MAF: variants seen among roughly 807,000 people sequenced by gnomAD.
The protein encoded by MAF is transcription factor Maf.
MAF carries 10 observed loss-of-function variants against 22.0 expected under a neutral mutation model. The ratio of observed to expected loss-of-function variants is 0.45; its 90% CI spans 0.28 to 0.77. The LOEUF is 0.77. Ranked by LOEUF, MAF falls within the 30% of genes least tolerant of loss-of-function variation. The pLI is 0.12. For missense variants in MAF, 544 were observed against 548.4 expected (o/e 0.99, Z 0.08); for synonymous variants, 337 against 255.8 (o/e 1.32, Z -3.03).
the MAF span, among the ~76,000 whole-genome samples, chr16:79,358,320 C>T: frequency 1.3e-5 from 2 of 152,292 alleles, no homozygotes; most frequent in South Asian, 2.1e-4. Context: ...CTAGGATCTG[C>T]TACATTCCAA....
At chr16:79,495,262 G>A in the MAF span, among the ~76,000 whole-genome samples, 1 of 152,126 alleles carries the variant, frequency 6.6e-6, no homozygotes, top group Non-Finnish European at 1.5e-5. Flanking sequence ...AGCAGTTGGA[G>A]ACCAGCCTAG....
the MAF span, among the ~76,000 whole-genome samples, chr16:79,309,220 T>A: frequency 6.6e-6 from 1 of 152,176 alleles, no homozygotes; most frequent in Non-Finnish European, 1.5e-5. Context: ...GTAGGGAGTT[T>A]CCCTGTTAAT....
At chr16:79,491,780 G>C in the MAF span, among the ~76,000 whole-genome samples, 51 of 152,294 alleles carry the variant, frequency 3.3e-4, no homozygotes, top group South Asian at 0.01. Context: ...ATGAGCCTTG[G>C]GATAGCACTG....
At chr16:79,444,275 G>C in the MAF span, among the ~76,000 whole-genome samples, 1 of 152,004 alleles carries the variant, frequency 6.6e-6, no homozygotes, top group African/African-American at 2.4e-5. Context: ...ATTTTGCCTA[G>C]GAGTATGGAC....
At chr16:79,322,347 C>T in the MAF span, among the ~76,000 whole-genome samples, 1 of 152,106 alleles carries the variant, frequency 6.6e-6, no homozygotes, top group African/African-American at 2.4e-5. Context: ...TTGAAGGTCC[C>T]TAGGAGACAA....
chr16:79,347,410 A>T, the MAF span, among the ~76,000 whole-genome samples: 1 of 152,226 alleles, frequency 6.6e-6, no homozygotes, highest in African/African-American at 2.4e-5. Flanking sequence ...TTTGCATAGC[A>T]CGTTAGAGTT....
chr16:79,211,604 C>T, the MAF span: 19 of 1,614,170 alleles, frequency 1.2e-5, no homozygotes, highest in African/African-American at 2.0e-4. Flanking sequence ...TCTTGGATTT[C>T]CAGCAACAGG....
chr16:79,471,342 T>C, the MAF span, among the ~76,000 whole-genome samples: 8 of 152,240 alleles, frequency 5.3e-5, no homozygotes, highest in Non-Finnish European at 1.0e-4. Flanking sequence ...CTGTTATTTT[T>C]TCACACTTTC....
At chr16:79,426,210 G>GGA in the MAF span, among the ~76,000 whole-genome samples, 4 of 147,024 alleles carry the variant, frequency 2.7e-5, no homozygotes, top group South Asian at 6.4e-4. Context: ...CATCTCAAAA[G>GGA]AAAAAAAAAA....
At chr16:79,386,893 A>G in the MAF span, among the ~76,000 whole-genome samples, 1 of 152,192 alleles carries the variant, frequency 6.6e-6, no homozygotes, top group East Asian at 1.9e-4. Flanking sequence ...ATTGTATTGA[A>G]GAGGAAACTG....
the MAF span, among the ~76,000 whole-genome samples, chr16:79,225,551 C>T: frequency 6.6e-6 from 1 of 152,188 alleles, no homozygotes; most frequent in Non-Finnish European, 1.5e-5. Flanking sequence ...TAAATAGCTT[C>T]TTCACAGCAA....
chr16:79,586,218 T>C (rs1912831969), intron 1 of MAF, among the ~76,000 whole-genome samples: 2 of 152,306 alleles, frequency 1.3e-5, no homozygotes, highest in African/African-American at 2.4e-5. Context: ...AACCCACTGG[T>C]TGGCAGCCTG....
At chr16:79,426,995 G>A in the MAF span, among the ~76,000 whole-genome samples, 5 of 152,212 alleles carry the variant, frequency 3.3e-5, no homozygotes, top group Non-Finnish European at 5.9e-5. Context: ...CTGAACTGCA[G>A]AAGTCACTAA....
the MAF span, among the ~76,000 whole-genome samples, chr16:79,490,267 C>G: frequency 6.6e-6 from 1 of 152,178 alleles, no homozygotes; most frequent in Admixed American, 6.5e-5. Flanking sequence ...GGAAATCTCC[C>G]TTCGTCTTGA....
rs946258073 is a variant in MAF at position 79,599,985 on chromosome 16, A to G, written c.-83T>C. The G allele has an allele frequency of 3.2e-6, 5 of 1,579,058 alleles. No individual in the cohort carries two copies. The highest frequency in any genetic ancestry group is 4.3e-6 in the Non-Finnish European group (5 of 1,166,448). ...GGCCAGCGGGCTGTGCTGGGTGGCC[A>G]GCGGGTGAGCCAGCTTGCCGGGCTG... On this transcript the variant is annotated 5_prime_UTR_variant, in exon 1 of 2. Coordinates refer to ENST00000326043, the MANE Select transcript of MAF (RefSeq NM_005360.5).
chr16:79,531,714 T>C, the MAF span, among the ~76,000 whole-genome samples: 1 of 152,142 alleles, frequency 6.6e-6, no homozygotes, highest in Non-Finnish European at 1.5e-5. Flanking sequence ...CAGGCAGTCA[T>C]GTGAATGATG....
the MAF span, among the ~76,000 whole-genome samples, chr16:79,376,270 C>G: frequency 7.2e-5 from 11 of 152,214 alleles, no homozygotes; most frequent in African/African-American, 1.7e-4. Context: ...TATTGTTACA[C>G]AAAAATAGGT....
the MAF span, among the ~76,000 whole-genome samples, chr16:79,374,430 C>G: frequency 6.6e-6 from 1 of 152,220 alleles, no homozygotes; most frequent in Non-Finnish European, 1.5e-5. Context: ...CTTTTGTTCC[C>G]TCCCCTACAT....
chr16:79,451,280 G>A, the MAF span, among the ~76,000 whole-genome samples: 1 of 152,146 alleles, frequency 6.6e-6, no homozygotes, highest in East Asian at 1.9e-4. Flanking sequence ...ATTTATAAGT[G>A]CCCATGTCTG....
Sources: allele counts gnomAD v4.1 joint callset (sites outside exome capture counted in the v4.1 genomes callset), GRCh38; gene constraint gnomAD v4.1.1; transcripts MANE v1.5; gene names NCBI Gene and HGNC (gene_info 2026-07-23, HGNC 2026-07-21).